DCDC1: variants seen among roughly 807,000 people sequenced by gnomAD.
DCDC1 encodes the protein doublecortin domain-containing protein 1.
A neutral mutation model predicts 178.3 loss-of-function variants in DCDC1; 200 were observed. The observed-to-expected ratio is 1.12, with a 90% CI of 1.00 to 1.26. The LOEUF is 1.26. DCDC1 is among the 50% of genes most tolerant of loss of function. The pLI is 0.00. For missense variants in DCDC1, 1,983 were observed against 1,749.2 expected (o/e 1.13, Z -2.38); for synonymous variants, 690 against 604.8 (o/e 1.14, Z -2.07).
chr11:31,295,895 C>A (rs983878831), intron 6 of DCDC1, among the ~76,000 whole-genome samples: 1 of 152,098 alleles, frequency 6.6e-6, no homozygotes, highest in African/African-American at 2.4e-5. Context: ...TCCAACCAGA[C>A]CCATTTGTCC....
At chr11:31,213,016 T>C (rs1327122231) in intron 9 of DCDC1, among the ~76,000 whole-genome samples, 1 of 151,170 alleles carries the variant, frequency 6.6e-6, no homozygotes, top group Non-Finnish European at 1.5e-5. Context: ...TTCTCTCTGC[T>C]CCTCACTTGC....
At chr11:31,353,839 CT>C (rs1951193190) in intron 1 of DCDC1, among the ~76,000 whole-genome samples, 1 of 152,100 alleles carries the variant, frequency 6.6e-6, no homozygotes, top group Non-Finnish European at 1.5e-5. Context: ...CAAGAAAATT[CT>C]TCAATTTACA....
chr11:31,291,536 CT>C (rs1181890219), intron 6 of DCDC1, among the ~76,000 whole-genome samples: 2 of 152,018 alleles, frequency 1.3e-5, no homozygotes, highest in Admixed American at 1.3e-4. Context: ...CTATGTATGA[CT>C]TCGAAAATGT....
At chr11:30,908,056 G>A (rs897522785) in intron 29 of DCDC1, among the ~76,000 whole-genome samples, 6 of 152,094 alleles carry the variant, frequency 3.9e-5, no homozygotes, top group Non-Finnish European at 8.8e-5. Flanking sequence ...AAACAAGAGG[G>A]CAACATTAAG....
At position 30,909,075 on chromosome 11, in the gene DCDC1, C is replaced by A. The variant is rs1203338232; in HGVS notation, c.3789G>T (p.Trp1263Cys). The change falls in exon 29 of 39, where the codon TGG becomes TGT. Residue 1263 changes from tryptophan to cysteine, a missense_variant. Trp to Cys is a radical substitution (Grantham distance 215). Transcript: ENST00000684477. ...PYNNGAANQK[W>C]HYMKNIKALV... Reference sequence around the variant, plus strand: ...GTGCTTTTATATTTTTCATGTAATGCCACTTTTGATTGGCAGCTCCATTGT... The same window carrying A: ...GTGCTTTTATATTTTTCATGTAATGACACTTTTGATTGGCAGCTCCATTGT... The A allele has an allele frequency of 6.2e-7, 1 of 1,611,214 alleles. No homozygotes were observed. The highest frequency in any genetic ancestry group is 1.7e-5 in the Admixed American group (1 of 59,874).
chr11:31,209,797 G>T (rs145699336), intron 9 of DCDC1, among the ~76,000 whole-genome samples: 177 of 152,292 alleles, frequency 1.2e-3, no homozygotes, highest in African/African-American at 3.7e-3. Context: ...GAGAGTAGAA[G>T]AATTGTGGAA....
chr11:31,217,531 G>A (rs909551484), intron 9 of DCDC1, among the ~76,000 whole-genome samples: 5 of 152,020 alleles, frequency 3.3e-5, no homozygotes, highest in African/African-American at 4.8e-5. Flanking sequence ...TAGAAAACTA[G>A]AAGCACCTCT....
intron 9 of DCDC1, among the ~76,000 whole-genome samples, chr11:31,189,490 T>C (rs1195812054): frequency 6.6e-6 from 1 of 152,178 alleles, no homozygotes; most frequent in Non-Finnish European, 1.5e-5. Flanking sequence ...CTGTAACATA[T>C]CATCTCAAAG....
rs58403602 is a variant in DCDC1 at position 31,085,698 on chromosome 11, C to CATTGATTGATTG, written c.2237+5683_2237+5694dup. Among the ~76,000 whole-genome samples, 17 of 149,754 alleles carry CATTGATTGATTG rather than the reference C, an allele frequency of 1.1e-4. No individual in the cohort carries two copies. The South Asian group carries it at 3.6e-3, about 32-fold the overall frequency. On this transcript the variant is annotated intron_variant, in intron 17 of 38. Transcript: ENST00000684477. ...CTTTTAGAAATAAAGCTGCTAAGAA[C>CATTGATTGATTG]ATTGATTGATTGATTGATTGATTGA...
chr11:31,148,621 T>G (rs190820093), intron 9 of DCDC1, among the ~76,000 whole-genome samples: 1 of 152,302 alleles, frequency 6.6e-6, no homozygotes, highest in African/African-American at 2.4e-5. Flanking sequence ...TATAATACTC[T>G]TTTAAAATGG....
At chr11:31,004,238 G>A (rs1381774732) in intron 20 of DCDC1, among the ~76,000 whole-genome samples, 5 of 151,978 alleles carry the variant, frequency 3.3e-5, no homozygotes, top group African/African-American at 1.2e-4. Flanking sequence ...GTATTTTATT[G>A]TCAAATAGTG....
chr11:31,038,306 G>A (rs1352579978), intron 20 of DCDC1, among the ~76,000 whole-genome samples: 1 of 151,846 alleles, frequency 6.6e-6, no homozygotes, highest in African/African-American at 2.4e-5. Flanking sequence ...TACCTGGAGA[G>A]TATTTGTGAA....
intron 20 of DCDC1, among the ~76,000 whole-genome samples, chr11:31,054,996 T>C (rs1955493753): frequency 6.6e-6 from 1 of 151,088 alleles, no homozygotes; most frequent in Admixed American, 6.6e-5. Flanking sequence ...TGTGACTTAA[T>C]TAAACTAAAG....
At chr11:31,107,277 CCTCTTTGATAAGGGTTA>C (rs1434887840) in intron 12 of DCDC1, among the ~76,000 whole-genome samples, 4 of 152,104 alleles carry the variant, frequency 2.6e-5, no homozygotes, top group Non-Finnish European at 5.9e-5. Flanking sequence ...TGGTAACGGT[CCTCTTTGATAAGGGTTA>C]CGCTTTTCTT....
intron 20 of DCDC1, among the ~76,000 whole-genome samples, chr11:30,954,365 G>T (rs752260910): frequency 3.3e-5 from 5 of 152,066 alleles, no homozygotes; most frequent in Non-Finnish European, 7.3e-5. Context: ...AAACCTCACA[G>T]ATTTGAAATA....
At chr11:31,356,634 T>C (rs1162124556) in intron 1 of DCDC1, among the ~76,000 whole-genome samples, 14 of 148,982 alleles carry the variant, frequency 9.4e-5, no homozygotes, top group African/African-American at 2.5e-4. Context: ...TTCAAAAAAT[T>C]AATGAATCCA....
intron 6 of DCDC1, among the ~76,000 whole-genome samples, chr11:31,293,732 T>A (rs778126649): frequency 9.2e-5 from 14 of 152,318 alleles, no homozygotes; most frequent in South Asian, 4.1e-4. Flanking sequence ...AATATTATTA[T>A]CCTTATTTAC....
chr11:31,168,271 T>C (rs1185483820), intron 9 of DCDC1, among the ~76,000 whole-genome samples: 1 of 152,210 alleles, frequency 6.6e-6, no homozygotes, highest in African/African-American at 2.4e-5. Context: ...GCTGTTCAAC[T>C]GTAAAACAAG....
intron 8 of DCDC1, among the ~76,000 whole-genome samples, chr11:31,243,818 A>G (rs1452733807): frequency 6.6e-6 from 1 of 151,838 alleles, no homozygotes; most frequent in Non-Finnish European, 1.5e-5. Context: ...AGCAGGTTTT[A>G]TAAGGGACTT....
Sources: gnomAD v4.1 joint callset for allele counts (sites outside exome capture counted in the v4.1 genomes callset) on GRCh38, gnomAD v4.1.1 for gene constraint, MANE v1.5 for transcripts, NCBI Gene and HGNC (gene_info 2026-07-23, HGNC 2026-07-21) for gene names.